Variants in TDP2 observed in about 807,000 individuals in gnomAD.
TDP2 encodes tyrosyl-DNA phosphodiesterase 2, also known as 5'-Tyr-DNA phosphodiesterase.
TDP2 carries 38 observed loss-of-function variants against 42.8 expected under a neutral mutation model. The ratio of observed to expected loss-of-function variants is 0.89; its 90% CI spans 0.68 to 1.16. The LOEUF is 1.16. Ranked by LOEUF, TDP2 falls within the 50% of genes most tolerant of loss-of-function variation. The pLI, the probability that TDP2 is intolerant of heterozygous loss-of-function variation, is 0.00. For missense variants in TDP2, 439 were observed against 439.3 expected, an observed-to-expected ratio of 1.00 and a Z score of 0.01; for synonymous variants, 173 against 150.6, an observed-to-expected ratio of 1.15 and a Z score of -1.09.
intron 4 of TDP2, 90 bp from the exon 5 acceptor site, chr6:24,654,620 C>T: frequency 2.8e-6 from 2 of 702,264 alleles, no homozygotes; most frequent in Middle Eastern, 2.4e-4. Flanking sequence ...AATTTTATAG[C>T]AAACAGGTAA....
At chr6:24,662,989 A>C (rs1424120566) in intron 2 of TDP2, among the ~76,000 whole-genome samples, 1 of 152,280 alleles carries the variant, frequency 6.6e-6, no homozygotes, top group South Asian at 2.1e-4. Context: ...CAGGCCCCTT[A>C]CCTATCCGGC....
At chr6:24,658,540 A>C in intron 3 of TDP2, 21 bp downstream of exon 3, 1 of 1,589,162 alleles carries the variant, frequency 6.3e-7, no homozygotes. Context: ...ATTACTATTA[A>C]ATAGAAGTGA....
chr6:24,650,551 T>C lies in TDP2; in HGVS notation c.*237A>G. ...GGCAGCTATAAGCACCGTTGAAAAC[T>C]CTGACAGGCTTTGTGCCCTTTTTAT... On this transcript the variant is annotated 3_prime_UTR_variant, in exon 7 of 7. Coordinates refer to ENST00000378198, the MANE Select transcript of TDP2 (RefSeq NM_016614.3). The C allele has an allele frequency of 2.0e-6, 1 of 501,390 alleles. No homozygotes were observed. The highest frequency in any genetic ancestry group is 3.5e-6 in the Non-Finnish European group (1 of 284,596). The allele number at this position is 501,390 out of a possible 1,614,324, so 31.1% of individuals were successfully genotyped here.
rs760554150 is a variant in TDP2 at position 24,666,766 on chromosome 6, C to A, written c.97G>T (p.Ala33Ser). ...KKRRLLCVEF[A>S]SVASCDAAVA... is the part of the protein sequence containing the mutation. ...GCGGCATCGCAGCTTGCGACCGAGG[C>A]AAACTCCACACACAGAAGTCGCCGC... Residue 33 changes from alanine to serine, a missense_variant, in exon 1 of 7, where the codon GCC becomes TCC. By Grantham distance (99) the Ala-to-Ser change is moderately conservative. Transcript: ENST00000378198. The A allele has an allele frequency of 6.2e-7, 1 of 1,614,144 alleles. No individual in the cohort carries two copies. The highest frequency in any genetic ancestry group is 8.5e-7 in the Non-Finnish European group (1 of 1,180,044).
At chr6:24,652,098 A>C (rs1414781377) in intron 6 of TDP2, among the ~76,000 whole-genome samples, 1 of 152,238 alleles carries the variant, frequency 6.6e-6, no homozygotes, top group African/African-American at 2.4e-5. Context: ...AGTTTAGGAA[A>C]TTCATAAGAG....
chr6:24,662,045 A>G (rs1181949751), intron 2 of TDP2, among the ~76,000 whole-genome samples: 3 of 152,216 alleles, frequency 2.0e-5, no homozygotes, highest in African/African-American at 7.2e-5. Context: ...GTTTGCAAGC[A>G]GTATGCTTGG....
intron 2 of TDP2, 96 bp from the exon 3 acceptor site, chr6:24,658,830 TA>T: frequency 7.7e-7 from 1 of 1,293,368 alleles, no homozygotes. Context: ...AGACAAATTT[TA>T]AAAGAGCCCT....
chr6:24,658,604 T>G lies in TDP2; in HGVS notation c.382A>C (p.Asn128His). The G allele has an allele frequency of 6.2e-7, 1 of 1,613,708 alleles. No homozygotes were observed. Among genetic ancestry groups the G allele is most frequent in the Non-Finnish European group, 8.5e-7 (1 of 1,179,778 alleles). The change falls in exon 3 of 7, where the codon AAT becomes CAT. Residue 128 changes from asparagine (N) to histidine (H), a missense_variant. By Grantham distance (68) the Asn-to-His change is moderately conservative. Transcript: ENST00000378198. Reference sequence around the variant, plus strand: ...ACCCCTCGAGCCCTCTCTGACAGATTGTTTAGATCTAATCCATCAATATTC... The same window carrying G: ...ACCCCTCGAGCCCTCTCTGACAGATGGTTTAGATCTAATCCATCAATATTC... ...TWNIDGLDLN[N>H]LSERARGVCS...
At chr6:24,657,331 A>C (rs1043061151) in intron 4 of TDP2, among the ~76,000 whole-genome samples, 3 of 152,234 alleles carry the variant, frequency 2.0e-5, no homozygotes, top group African/African-American at 7.2e-5. Flanking sequence ...AATACCAAGG[A>C]AAGACTGTAT....
At position 24,665,116 on chromosome 6, in the gene TDP2, C is replaced by T. The variant is rs375275746; in HGVS notation, c.251+1410G>A. On this transcript the variant is annotated intron_variant, in intron 2 of 6. Coordinates refer to ENST00000378198, the MANE Select transcript of TDP2 (RefSeq NM_016614.3). ...AAATACAGCCATGTTTAAGGAAGGGCAGTTAAGGGCTTTCTCTCAATCCTA... is the reference window on the plus strand; with the variant it reads ...AAATACAGCCATGTTTAAGGAAGGGTAGTTAAGGGCTTTCTCTCAATCCTA... Among the ~76,000 whole-genome samples the T allele has an allele frequency of 3.9e-5, 6 of 152,162 alleles. No homozygotes were observed. In the East Asian group the frequency reaches 1.2e-3, roughly 29 times the overall value.
chr6:24,663,110 T>C (rs1213505543), intron 2 of TDP2, among the ~76,000 whole-genome samples: 1 of 152,180 alleles, frequency 6.6e-6, no homozygotes, highest in African/African-American at 2.4e-5. Flanking sequence ...TCATGGGTGA[T>C]GTATGGGGAG....
rs776172419 is a variant in TDP2 at position 24,650,841 on chromosome 6, T to C, written c.1036A>G (p.Arg346Gly). Residue 346 changes from arginine (R) to glycine (G), a missense_variant, in exon 7 of 7, where the codon AGA becomes GGA. Arg to Gly is a moderately radical substitution (Grantham distance 125). Coordinates refer to ENST00000378198, the MANE Select transcript of TDP2 (RefSeq NM_016614.3). The stretch of plus-strand genomic sequence containing the variant: ...AGACCCCAGTGATCACTAGGAAATC[T>C]ACCACAGTCCAGTTTTTCTAATCCA... ...LLGLEKLDCG[R>G]FPSDHWGLLC... 2 of 1,614,164 alleles carry C rather than the reference T, an allele frequency of 1.2e-6. No homozygotes were observed. The highest frequency in any genetic ancestry group is 1.1e-5 in the South Asian group (1 of 91,082).
chr6:24,657,731 C>T, intron 4 of TDP2, 81 bp downstream of exon 4: 3 of 723,822 alleles, frequency 4.1e-6, no homozygotes, highest in Non-Finnish European at 4.5e-6. Flanking sequence ...CTCTCTATGT[C>T]CCAATAGACC....
Position 24,664,391 on chromosome 6 carries a change from A to G in TDP2, c.251+2135T>C, listed in dbSNP as rs943098331. On this transcript the variant is annotated intron_variant, in intron 2 of 6. Coordinates refer to ENST00000378198, the MANE Select transcript of TDP2 (RefSeq NM_016614.3). Reference sequence around the variant, plus strand: ...CCCCACTCAAGACTAATGAAATTAGAATCTCTGGTTTTTTTTTTAAATTCC... The same window carrying G: ...CCCCACTCAAGACTAATGAAATTAGGATCTCTGGTTTTTTTTTTAAATTCC... Among the ~76,000 whole-genome samples, 6 of 151,772 alleles carry G rather than the reference A, an allele frequency of 4.0e-5. No individual in the cohort carries two copies. The East Asian group carries it at 1.2e-3, about 29-fold the overall frequency.
At chr6:24,657,715 T>C in intron 4 of TDP2, 97 bp downstream of exon 4, 1 of 556,602 alleles carries the variant, frequency 1.8e-6, no homozygotes, top group Non-Finnish European at 3.1e-6. Context: ...TTATTTGTGC[T>C]TTTTCCTCTC....
intron 4 of TDP2, among the ~76,000 whole-genome samples, chr6:24,656,506 A>G (rs1778063731): frequency 6.6e-6 from 1 of 152,256 alleles, no homozygotes; most frequent in African/African-American, 2.4e-5. Flanking sequence ...GGTTTTCCAC[A>G]TATTAAAATT....
intron 4 of TDP2, among the ~76,000 whole-genome samples, chr6:24,656,111 G>A (rs184675480): frequency 2.0e-5 from 3 of 152,076 alleles, no homozygotes; most frequent in Non-Finnish European, 4.4e-5. Context: ...ACAATGCAGG[G>A]AAAGAGATTA....
rs1778095844 is a variant in TDP2, at chr6:24,658,702, G to T, written c.284C>A (p.Ser95Tyr). ...VDLTNEETTD[S>Y]TTSKISPSED... is the part of the protein sequence containing the mutation. ...AGATGGGCTGATTTTAGAAGTGGTGGAATCAGTTGTTTCTTCATTGGTTAG... is the reference window on the plus strand; with the variant it reads ...AGATGGGCTGATTTTAGAAGTGGTGTAATCAGTTGTTTCTTCATTGGTTAG... The change falls in exon 3 of 7, where the codon TCC becomes TAC. Residue 95 changes from serine (S) to tyrosine (Y), a missense_variant. By Grantham distance (144) the Ser-to-Tyr change is moderately radical. Coordinates refer to ENST00000378198, the MANE Select transcript of TDP2 (RefSeq NM_016614.3). 5 of 1,613,668 alleles carry T rather than the reference G, an allele frequency of 3.1e-6. No individual in the cohort carries two copies. In the South Asian group the frequency reaches 5.5e-5, roughly 18 times the overall value.
chr6:24,660,433 A>G (rs1002837000), intron 2 of TDP2, among the ~76,000 whole-genome samples: 1 of 152,238 alleles, frequency 6.6e-6, no homozygotes, highest in Non-Finnish European at 1.5e-5. Context: ...TATACTGGAT[A>G]CTGTAGGCAA....
Sources: allele counts gnomAD v4.1 joint callset (sites outside exome capture counted in the v4.1 genomes callset), GRCh38; gene constraint gnomAD v4.1.1; transcripts MANE v1.5; gene names NCBI Gene and HGNC (gene_info 2026-07-23, HGNC 2026-07-21).